The following UGT1A10 variants were observed in gnomAD, a reference collection of about 807,000 sequenced individuals.
The protein encoded by UGT1A10 is UDP-glucuronosyltransferase 1A10.
A neutral mutation model predicts 45.8 loss-of-function variants in UGT1A10; 49 were observed. That is an observed-to-expected ratio of 1.07 (90% CI 0.85 to 1.36). The LOEUF (loss-of-function observed/expected upper bound fraction) is 1.36, where lower values mean the gene tolerates loss of function less well. Ranked by LOEUF, UGT1A10 falls within the 40% of genes most tolerant of loss-of-function variation. UGT1A10 has a pLI of 0.00. For missense variants in UGT1A10, 745 were observed against 668.6 expected, an observed-to-expected ratio of 1.11 and a Z score of -1.26; for synonymous variants, 284 against 249.7, an observed-to-expected ratio of 1.14 and a Z score of -1.29.
At position 233,757,558 on chromosome 2, in the gene UGT1A10, A is replaced by G. The variant is rs1013342289; in HGVS notation, c.856-9476A>G. ...GGAATATATATATATATATATATAT[A>G]TATGTATATATGATATAGCTATAGT... On this transcript the variant is annotated intron_variant, in intron 1 of 4. Transcript: ENST00000344644. Among the ~76,000 whole-genome samples the G allele has an allele frequency of 6.8e-4, 85 of 124,456 alleles. 2 individuals carry two copies. Among genetic ancestry groups the G allele is most frequent in the Admixed American group, 2.1e-3 (27 of 12,944 alleles). 81.6% of individuals were successfully genotyped at this position (124,456 alleles called of 152,430 possible).
intron 1 of UGT1A10, among the ~76,000 whole-genome samples, chr2:233,639,980 T>C (rs1269148136): frequency 1.3e-5 from 2 of 152,230 alleles, no homozygotes; most frequent in Non-Finnish European, 2.9e-5. Context: ...TGACTGGTTT[T>C]AGGGGAAAAG....
chr2:233,718,986 C>T, intron 1 of UGT1A10: 1 of 1,614,204 alleles, frequency 6.2e-7, no homozygotes, highest in East Asian at 2.2e-5. Context: ...TGCCAGAGGC[C>T]ACCAGGCGGT....
intron 1 of UGT1A10, among the ~76,000 whole-genome samples, chr2:233,711,822 A>G (rs2076198725): frequency 6.6e-6 from 1 of 152,234 alleles, no homozygotes; most frequent in Admixed American, 6.5e-5. Context: ...TGGGGCGACC[A>G]GGACAAGGAG....
intron 1 of UGT1A10, chr2:233,682,132 A>G (rs370145562): frequency 2.6e-5 from 42 of 1,614,106 alleles, no homozygotes; most frequent in Non-Finnish European, 3.2e-5. Flanking sequence ...TGAGTTGGCA[A>G]CTGGGAAGAT....
At chr2:233,749,891 C>G (rs769638729) in intron 1 of UGT1A10, among the ~76,000 whole-genome samples, 2 of 151,948 alleles carry the variant, frequency 1.3e-5, no homozygotes, top group African/African-American at 4.9e-5. Context: ...CTGAGGCTCC[C>G]CCCTCCAGCC....
chr2:233,691,764 A>T (rs755562811), intron 1 of UGT1A10: 29 of 435,508 alleles, frequency 6.7e-5, no homozygotes, highest in Non-Finnish European at 8.9e-5. Flanking sequence ...CTCCTGCTCT[A>T]GGATTCTCAC....
chr2:233,766,611 C>T (rs972496643), intron 1 of UGT1A10, among the ~76,000 whole-genome samples: 4 of 152,176 alleles, frequency 2.6e-5, no homozygotes, highest in African/African-American at 4.8e-5. Flanking sequence ...ACACCCTCTT[C>T]TACCCAGCAC....
At chr2:233,665,627 G>A (rs1045180735) in intron 1 of UGT1A10, among the ~76,000 whole-genome samples, 1 of 152,182 alleles carries the variant, frequency 6.6e-6, no homozygotes, top group African/African-American at 2.4e-5. Context: ...AATTTCAGTG[G>A]GCTCTGAGGT....
chr2:233,691,680 C>A (rs2075052568), intron 1 of UGT1A10: 1 of 960,586 alleles, frequency 1.0e-6, no homozygotes, highest in Non-Finnish European at 1.2e-6. Context: ...AGTTGAGAAA[C>A]CTGAAGCTCA....
chr2:233,711,476 T>G (rs2076182629), intron 1 of UGT1A10, among the ~76,000 whole-genome samples: 1 of 152,172 alleles, frequency 6.6e-6, no homozygotes, highest in African/African-American at 2.4e-5. Context: ...GAGGCTGAGA[T>G]GTTGCACCCA....
intron 1 of UGT1A10, among the ~76,000 whole-genome samples, chr2:233,639,174 G>T (rs1469448982): frequency 1.3e-5 from 2 of 151,914 alleles, no homozygotes; most frequent in Non-Finnish European, 2.9e-5. Context: ...AACTATATAT[G>T]GTTTCATTTA....
At chr2:233,706,617 A>G (rs1052498313) in intron 1 of UGT1A10, among the ~76,000 whole-genome samples, 1 of 152,154 alleles carries the variant, frequency 6.6e-6, no homozygotes, top group African/African-American at 2.4e-5. Context: ...AGAAGACTAG[A>G]GAAATGAGTG....
intron 1 of UGT1A10, among the ~76,000 whole-genome samples, chr2:233,674,909 T>C (rs939659535): frequency 2.0e-5 from 3 of 152,226 alleles, no homozygotes; most frequent in African/African-American, 7.2e-5. Flanking sequence ...TTGTTTCAGA[T>C]GCCAGGATGT....
chr2:233,681,821 A>T, intron 1 of UGT1A10: 7 of 1,497,998 alleles, frequency 4.7e-6, no homozygotes, highest in South Asian at 1.4e-5. Flanking sequence ...ATTTTTTTTT[A>T]AATGAATGAA....
At chr2:233,732,487 T>A (rs1464258255) in intron 1 of UGT1A10, among the ~76,000 whole-genome samples, 1 of 152,252 alleles carries the variant, frequency 6.6e-6, no homozygotes, top group African/African-American at 2.4e-5. Flanking sequence ...AATTTTTGTA[T>A]AAGGCGTAAG....
chr2:233,725,125 G>C (rs1256400023), intron 1 of UGT1A10, among the ~76,000 whole-genome samples: 1 of 138,156 alleles, frequency 7.2e-6, no homozygotes, highest in Non-Finnish European at 1.5e-5. Context: ...GCAGTGAGCC[G>C]AGATGGCAGC....
chr2:233,672,116 A>T, intron 1 of UGT1A10: 4 of 1,614,192 alleles, frequency 2.5e-6, no homozygotes, highest in Non-Finnish European at 3.4e-6. Context: ...GTCATGCCAG[A>T]GGTGAGTTGG....
intron 1 of UGT1A10, among the ~76,000 whole-genome samples, chr2:233,657,959 A>G (rs2073891584): frequency 6.6e-6 from 1 of 150,872 alleles, no homozygotes; most frequent in Admixed American, 6.6e-5. Context: ...ATTTAGATTT[A>G]TGCAAGGTTG....
intron 1 of UGT1A10, chr2:233,739,055 G>T (rs995568574): frequency 1.3e-5 from 2 of 152,274 alleles, no homozygotes; most frequent in Admixed American, 6.5e-5. Context: ...TCAGGCCATT[G>T]CTTCAGAGGG....
Sources: gnomAD v4.1 joint callset for allele counts (sites outside exome capture counted in the v4.1 genomes callset) on GRCh38, gnomAD v4.1.1 for gene constraint, MANE v1.5 for transcripts, NCBI Gene and HGNC (gene_info 2026-07-23, HGNC 2026-07-21) for gene names.